The following OPHN1 variants were observed in gnomAD, a reference collection of about 807,000 sequenced individuals.
The protein encoded by OPHN1 is oligophrenin-1.
In OPHN1, 11 loss-of-function variants were observed where a neutral mutation model predicts 60.7. That is an observed-to-expected ratio of 0.18 (90% CI 0.11 to 0.30). OPHN1 has a LOEUF of 0.30. Among genes scored for constraint, OPHN1 ranks in the 10% least tolerant of loss-of-function variants. The pLI is 1.00. For missense variants in OPHN1, 449 were observed against 611.0 expected, an observed-to-expected ratio of 0.73 and a Z score of 2.80; for synonymous variants, 226 against 222.6, an observed-to-expected ratio of 1.02 and a Z score of -0.14.
At chrX:68,144,167 T>C (rs754920666) in intron 15 of OPHN1, among the ~76,000 whole-genome samples, 1 of 110,820 alleles carries the variant, frequency 9.0e-6, no homozygotes, top group Non-Finnish European at 1.9e-5. Flanking sequence ...TACAGGAGAA[T>C]GCCACCACAC....
intron 3 of OPHN1, among the ~76,000 whole-genome samples, chrX:68,285,871 T>TAA (rs201233981): frequency 2.3e-3 from 252 of 110,779 alleles, no homozygotes; most frequent in African/African-American, 8.0e-3. Context: ...TTGATTCCTT[T>TAA]AAAAAAAATC....
chrX:68,102,048 A>T (rs948281673), intron 18 of OPHN1: 1 of 112,453 alleles, frequency 8.9e-6, no homozygotes, highest in African/African-American at 3.2e-5. Context: ...TTGGTAAAAC[A>T]GTATCATAAA....
At chrX:68,170,713 A>G (rs2077386292) in intron 15 of OPHN1, among the ~76,000 whole-genome samples, 1 of 99,339 alleles carries the variant, frequency 1.0e-5, no homozygotes, top group Non-Finnish European at 2.0e-5. Context: ...ATTCTCACTC[A>G]TAGGTGGGAA....
chrX:68,093,746 T>C (rs775909446), intron 19 of OPHN1, among the ~76,000 whole-genome samples: 6 of 111,668 alleles, frequency 5.4e-5, no homozygotes, highest in Non-Finnish European at 1.1e-4. Context: ...TTTTGCCCAC[T>C]TTCTAATTAG....
intron 6 of OPHN1, among the ~76,000 whole-genome samples, chrX:68,227,779 A>G (rs1018583354): frequency 8.1e-5 from 9 of 111,475 alleles, no homozygotes; most frequent in African/African-American, 2.9e-4. Flanking sequence ...AATTTATAGC[A>G]CTAAATGCCC....
intron 5 of OPHN1, among the ~76,000 whole-genome samples, chrX:68,261,564 C>G (rs1184964228): frequency 1.8e-5 from 2 of 111,068 alleles, no homozygotes; most frequent in Non-Finnish European, 3.8e-5. Context: ...AAAGTGTACA[C>G]ATGGGGAAGG....
chrX:68,279,592 G>A (rs1320001747), intron 4 of OPHN1, among the ~76,000 whole-genome samples: 2 of 111,097 alleles, frequency 1.8e-5, no homozygotes, highest in Admixed American at 1.9e-4. Context: ...TTTTACAAAG[G>A]ATAAAATGCA....
intron 5 of OPHN1, among the ~76,000 whole-genome samples, chrX:68,269,293 C>A (rs2077952556): frequency 9.0e-6 from 1 of 111,257 alleles, no homozygotes; most frequent in Non-Finnish European, 1.9e-5. Flanking sequence ...AATCCTAAGC[C>A]AAAAGAACAA....
chrX:68,301,175 G>A lies in OPHN1; in HGVS notation c.155-2079C>T, dbSNP rs766016474. Among the ~76,000 whole-genome samples, 4 of 111,675 alleles carry A rather than the reference G, an allele frequency of 3.6e-5. No individual in the cohort carries two copies. The South Asian group carries it at 1.5e-3, about 42-fold the overall frequency. On this transcript the variant is annotated intron_variant, in intron 2 of 24. Transcript: ENST00000355520. ...AAATATGAACAAGCAGCCGGGTGTG[G>A]TGGCTCACGCCTGTAATCCCAGTAC...
chrX:68,157,473 G>A (rs963603479), intron 15 of OPHN1, among the ~76,000 whole-genome samples: 1 of 111,570 alleles, frequency 9.0e-6, no homozygotes, highest in Admixed American at 9.5e-5. Flanking sequence ...GAACTAATGC[G>A]GGAACAGAAA....
At chrX:68,259,681 T>G (rs1165027254) in intron 5 of OPHN1, among the ~76,000 whole-genome samples, 1 of 111,572 alleles carries the variant, frequency 9.0e-6, no homozygotes, top group Non-Finnish European at 1.9e-5. Context: ...ATAATGAAAC[T>G]AAGGCAAAAA....
At chrX:68,065,628 G>A (rs1017264888) in intron 20 of OPHN1, among the ~76,000 whole-genome samples, 5 of 111,688 alleles carry the variant, frequency 4.5e-5, no homozygotes, top group East Asian at 2.8e-4. Context: ...GTGAGACCTC[G>A]TACAAGTTCC....
intron 15 of OPHN1, among the ~76,000 whole-genome samples, chrX:68,164,926 T>C (rs943107867): frequency 1.8e-5 from 2 of 112,702 alleles, no homozygotes; most frequent in African/African-American, 6.4e-5. Context: ...CACTTTGCCC[T>C]TTTATGTTAT....
At chrX:68,422,926 C>T (rs2078836600) in intron 2 of OPHN1, among the ~76,000 whole-genome samples, 1 of 112,173 alleles carries the variant, frequency 8.9e-6, no homozygotes, top group African/African-American at 3.2e-5. Flanking sequence ...GGTCACAATT[C>T]CGACTCTAGC....
chrX:68,335,183 C>T (rs868865711), intron 2 of OPHN1, among the ~76,000 whole-genome samples: 3 of 105,707 alleles, frequency 2.8e-5, no homozygotes, highest in African/African-American at 3.5e-5. Flanking sequence ...AAAAAAAAAG[C>T]GGGGGGGTGC....
At chrX:68,112,084 CACACAG>C (rs1192691467) in intron 17 of OPHN1, 125 bp from the exon 18 acceptor site, 27 of 411,920 alleles carry the variant, frequency 6.6e-5, no homozygotes, top group African/African-American at 2.0e-4. Context: ...CACACACACA[CACACAG>C]AGAGAGATTC....
chrX:68,294,473 C>CAAA lies in OPHN1; in HGVS notation c.250+4525_250+4527dup, dbSNP rs570989143. Among the ~76,000 whole-genome samples, 10 of 10,647 alleles carry CAAA rather than the reference C, an allele frequency of 9.4e-4. 1 individual carries two copies. The highest frequency in any genetic ancestry group is 5.8e-3 in the East Asian group (2 of 342). The allele number at this position is 10,647 out of a possible 115,157, so 9.2% of individuals were successfully genotyped here. On this transcript the variant is annotated intron_variant, in intron 3 of 24. Coordinates refer to ENST00000355520, the MANE Select transcript of OPHN1 (RefSeq NM_002547.3). ...GGGTGACAAGAGTGAGACTCTATCA[C>CAAA]AAAAAAAAAAAAAAAAAAAAAAAAA...
At chrX:68,089,655 A>T (rs2077008875) in intron 19 of OPHN1, among the ~76,000 whole-genome samples, 1 of 111,747 alleles carries the variant, frequency 8.9e-6, no homozygotes, top group African/African-American at 3.3e-5. Context: ...ATTCTGAATC[A>T]TCGGCATAAT....
chrX:68,418,235 T>G (rs755035865), intron 2 of OPHN1, among the ~76,000 whole-genome samples: 1 of 111,694 alleles, frequency 9.0e-6, no homozygotes, highest in South Asian at 3.8e-4. Flanking sequence ...AGGTGAATCA[T>G]TAGAGCAGGG....
Sources: gnomAD v4.1 joint callset for allele counts (sites outside exome capture counted in the v4.1 genomes callset) on GRCh38, gnomAD v4.1.1 for gene constraint, MANE v1.5 for transcripts, NCBI Gene and HGNC (gene_info 2026-07-23, HGNC 2026-07-21) for gene names.